The following RALGDS variants were observed in gnomAD, a reference collection of about 807,000 sequenced individuals.
RALGDS encodes ral guanine nucleotide exchange factor.
RALGDS carries 44 observed loss-of-function variants against 99.8 expected under a neutral mutation model. The ratio of observed to expected loss-of-function variants is 0.44; its 90% CI spans 0.35 to 0.57. The LOEUF is 0.57. RALGDS is among the 20% of genes least tolerant of loss of function. The pLI is 0.01. For synonymous variants in RALGDS, 529 were observed against 505.0 expected (o/e 1.05, Z -0.64); for missense variants, 1,022 against 1,203.1 (o/e 0.85, Z 2.23).
chr9:133,106,630 C>T lies in RALGDS; in HGVS notation c.1517+15G>A, dbSNP rs762576428. 7 of 1,583,474 alleles carry T rather than the reference C, an allele frequency of 4.4e-6. No individual in the cohort carries two copies. In the South Asian group the frequency reaches 5.6e-5, roughly 13 times the overall value. ...GTCCCTGGTGCACCAGGAGCTCCTA[C>T]AGAGGCATGCCCACCTGGAAACGTC... On this transcript the variant is annotated intron_variant, in intron 8 of 17. Transcript: ENST00000372050.
upstream of RALGDS, among the ~76,000 whole-genome samples, chr9:133,124,109 GACACACACATAGAGACAGAGACAC>G (rs1159401605): frequency 2.5e-3 from 197 of 77,608 alleles, 4 homozygotes; most frequent in Middle Eastern, 0.01. Flanking sequence ...TGCACACACA[GACACACACATAGAGACAGAGACAC>G]AGACACACAC....
In RALGDS at chr9:133,105,979, A is replaced by C. The variant is rs1831032938; in HGVS notation, c.1555T>G (p.Phe519Val). The C allele has an allele frequency of 6.2e-7, 1 of 1,608,400 alleles. No homozygotes were observed. The highest frequency in any genetic ancestry group is 8.5e-7 in the Non-Finnish European group (1 of 1,178,246). The stretch of plus-strand genomic sequence containing the variant: ...AATGAGTAGTTGTTCTCATCTGAGA[A>C]GATCTCTGACAGCTTCTGAAAGATC... ...FRIFQKLSEI[F>V]SDENNYSLSR... The change falls in exon 9 of 18, where the codon TTC becomes GTC. Residue 519 changes from phenylalanine (F) to valine (V), a missense_variant. Phe to Val is a conservative substitution (Grantham distance 50). Transcript: ENST00000372050.
chr9:133,116,896 G>T (rs1831636543), intron 1 of RALGDS, among the ~76,000 whole-genome samples: 1 of 152,246 alleles, frequency 6.6e-6, no homozygotes, highest in African/African-American at 2.4e-5. Context: ...GCAGAGTCCA[G>T]CCCCTTGTGG....
chr9:133,107,786 G>T (rs1037211361), intron 6 of RALGDS, among the ~76,000 whole-genome samples: 5 of 152,256 alleles, frequency 3.3e-5, no homozygotes, highest in African/African-American at 1.2e-4. Flanking sequence ...AGTCACTCTG[G>T]AGGATAGGGG....
At chr9:133,129,611 A>G (rs1832272034) in intron 1 of RALGDS, among the ~76,000 whole-genome samples, 1 of 152,126 alleles carries the variant, frequency 6.6e-6, no homozygotes, top group Non-Finnish European at 1.5e-5. Context: ...AAACCACCAC[A>G]CAGAGCCAGA....
At chr9:133,134,317 C>A (rs559429855), upstream of RALGDS, among the ~76,000 whole-genome samples, 47 of 152,322 alleles carry the variant, frequency 3.1e-4, no homozygotes, top group African/African-American at 1.1e-3. Flanking sequence ...ATTCTTGCCA[C>A]GTTCAGAAGC....
chr9:133,135,344 A>G (rs1376101056), upstream of RALGDS, among the ~76,000 whole-genome samples: 1 of 152,176 alleles, frequency 6.6e-6, no homozygotes, highest in African/African-American at 2.4e-5. Context: ...TAATTCAGCA[A>G]CTGGCTGATT....
rs753890591 is a variant in RALGDS at position 133,100,308 on chromosome 9, C to T, written c.2529G>A (p.Pro843=). 3.0e-5 allele frequency: 48 copies of T among 1,614,102 alleles called. No homozygotes were observed. Among genetic ancestry groups the T allele is most frequent in the South Asian group, 1.2e-4 (11 of 91,092 alleles). The change falls in exon 17 of 18, where the codon CCG becomes CCA. Residue 843 remains proline, a synonymous_variant. Transcript: ENST00000372050. ...GAATCTGCAGCAGCTCATAGTCCTC[C>T]GGCTCCTCCTCCTCCAGGTTGTGTT... The part of the protein sequence containing the change: ...MDKHNLEEEE[P]EDYELLQILS...
intron 4 of RALGDS, 45 bp from the exon 5 acceptor site, chr9:133,108,911 C>T: frequency 6.5e-7 from 1 of 1,544,474 alleles, no homozygotes; most frequent in East Asian, 2.3e-5. Flanking sequence ...CTGGGCTCCC[C>T]TGAGCCAGGC....
intron 6 of RALGDS, among the ~76,000 whole-genome samples, 168 bp downstream of exon 6, chr9:133,107,820 G>A (rs930890552): frequency 6.6e-6 from 1 of 152,266 alleles, no homozygotes; most frequent in African/African-American, 2.4e-5. Flanking sequence ...ACTGTCCAGA[G>A]GTAAACTGAG....
intron 16 of RALGDS, chr9:133,100,959 G>A: frequency 9.5e-7 from 1 of 1,050,690 alleles, no homozygotes; most frequent in Non-Finnish European, 1.2e-6. Flanking sequence ...GGTACAGAGG[G>A]TGGGGGTTAC....
intron 1 of RALGDS, among the ~76,000 whole-genome samples, chr9:133,128,026 G>C (rs926985591): frequency 1.3e-5 from 2 of 152,218 alleles, no homozygotes; most frequent in Non-Finnish European, 2.9e-5. Flanking sequence ...GGCATATTGA[G>C]GGGGAGGCAC....
chr9:133,109,263 G>T (rs567937774), intron 4 of RALGDS, among the ~76,000 whole-genome samples: 1 of 152,298 alleles, frequency 6.6e-6, no homozygotes, highest in South Asian at 2.1e-4. Flanking sequence ...GGTGCAGCCT[G>T]CCCACTGAGC....
At chr9:133,103,878 G>A in intron 10 of RALGDS, 45 bp from the exon 11 acceptor site, 1 of 1,569,970 alleles carries the variant, frequency 6.4e-7, no homozygotes, top group Non-Finnish European at 8.8e-7. Flanking sequence ...CTCCCCTGAA[G>A]GCTTTCTCAG....
intron 16 of RALGDS, 121 bp downstream of exon 16, chr9:133,101,399 G>A (rs1378653423): frequency 1.1e-5 from 18 of 1,572,702 alleles, no homozygotes; most frequent in Non-Finnish European, 1.6e-5. Flanking sequence ...GTACCTGGCT[G>A]ACATCTGTCC....
At position 133,121,186 on chromosome 9, in the gene RALGDS, CCGGCGCGCGGCGGGGGCGGCG is replaced by C. The variant is rs1831922396; in HGVS notation, c.-53_-33del. On this transcript the variant is annotated 5_prime_UTR_variant, in exon 1 of 18. Coordinates refer to ENST00000372050, the MANE Select transcript of RALGDS (RefSeq NM_006266.4). ...CTCGCAGCGCGGGCGCGGGGCCGGC[CCGGCGCGCGGCGGGGGCGGCG>C]GCGCGGCCCGCGCGGCTGGGCTTTG... The C allele has an allele frequency of 4.4e-6, 4 of 911,124 alleles. No individual in the cohort carries two copies. The highest frequency in any genetic ancestry group is 1.8e-4 in the East Asian group (2 of 11,296). The allele number at this position is 911,124 out of a possible 1,614,324, so 56.4% of individuals were successfully genotyped here.
In RALGDS at chr9:133,102,763, G is replaced by C; in HGVS notation, c.1913+16C>G. The C allele has an allele frequency of 6.2e-7, 1 of 1,609,402 alleles. No homozygotes were observed. The highest frequency in any genetic ancestry group is 8.5e-7 in the Non-Finnish European group (1 of 1,179,264). ...CAGCCTGCCCCCACTGTCCCCATTT[G>C]CTGCCCCGGCCTCACCTCTCAGTCT... is the stretch of plus-strand genomic sequence containing the variant. On this transcript the variant is annotated intron_variant, in intron 13 of 17. Transcript: ENST00000372050.
chr9:133,136,080 G>A (rs1429608895), upstream of RALGDS, among the ~76,000 whole-genome samples: 2 of 152,084 alleles, frequency 1.3e-5, no homozygotes, highest in Non-Finnish European at 2.9e-5. Context: ...GCCAGACCAC[G>A]CGAATTTACT....
intron 12 of RALGDS, 82 bp from the exon 13 acceptor site, chr9:133,102,982 G>A: frequency 6.3e-7 from 1 of 1,580,064 alleles, no homozygotes; most frequent in Non-Finnish European, 8.6e-7. Context: ...TGTTCTTGGG[G>A]TCCCTTCCTC....
Sources: allele counts gnomAD v4.1 joint callset (sites outside exome capture counted in the v4.1 genomes callset), GRCh38; gene constraint gnomAD v4.1.1; transcripts MANE v1.5; gene names NCBI Gene and HGNC (gene_info 2026-07-23, HGNC 2026-07-21).